Variants in MICAL2 observed in about 807,000 individuals in gnomAD.
MICAL2 encodes microtubule associated monooxygenase, calponin and LIM domain containing 2.
In MICAL2, 77 loss-of-function variants were observed where a neutral mutation model predicts 127.3. The observed-to-expected ratio is 0.60, with a 90% CI of 0.50 to 0.73. MICAL2 has a LOEUF of 0.73. Ranked by LOEUF, MICAL2 falls within the 30% of genes least tolerant of loss-of-function variation. The probability of loss-of-function intolerance (pLI) is 0.00; values close to 1 mark genes in which losing one functional copy is unlikely to be tolerated. For missense variants in MICAL2, 1,351 were observed against 1,434.4 expected (o/e 0.94, Z 0.94); for synonymous variants, 570 against 551.1 (o/e 1.03, Z -0.48).
intron 2 of MICAL2, among the ~76,000 whole-genome samples, chr11:12,149,864 G>C (rs981021423): frequency 2.6e-5 from 4 of 152,202 alleles, no homozygotes; most frequent in African/African-American, 9.6e-5. Flanking sequence ...GATACTGGTT[G>C]AACTGTAGGA....
chr11:12,226,988 A>G (rs745758133), intron 14 of MICAL2, 37 bp from the exon 15 acceptor site: 37 of 1,513,150 alleles, frequency 2.4e-5, no homozygotes, highest in Non-Finnish European at 1.8e-5. Context: ...TCCCAGAGCC[A>G]GGTTCCAAAT....
chr11:12,169,684 T>C (rs982040516), intron 3 of MICAL2, among the ~76,000 whole-genome samples: 9 of 152,226 alleles, frequency 5.9e-5, no homozygotes, highest in Admixed American at 2.0e-4. Flanking sequence ...ACACCGTCTA[T>C]AGCACAATTT....
At chr11:12,251,960 A>C (rs889161529) in intron 22 of MICAL2, among the ~76,000 whole-genome samples, 6 of 152,332 alleles carry the variant, frequency 3.9e-5, no homozygotes, top group African/African-American at 9.6e-5. Flanking sequence ...GGAGGCAGTA[A>C]TTGTGCATGG....
At chr11:12,360,720 A>C (rs1207938186), downstream of MICAL2, among the ~76,000 whole-genome samples, 1 of 152,220 alleles carries the variant, frequency 6.6e-6, no homozygotes, top group Non-Finnish European at 1.5e-5. Flanking sequence ...TTTGGCCCCT[A>C]GTATTCTGTT....
intron 21 of MICAL2, among the ~76,000 whole-genome samples, chr11:12,247,043 T>A (rs1860852680): frequency 1.3e-5 from 2 of 152,150 alleles, no homozygotes; most frequent in Non-Finnish European, 2.9e-5. Flanking sequence ...GAGCTCTTCC[T>A]GTGATGGTGA....
At chr11:12,215,640 TAA>T (rs765157533) in intron 7 of MICAL2, among the ~76,000 whole-genome samples, 3 of 152,224 alleles carry the variant, frequency 2.0e-5, no homozygotes, top group East Asian at 3.8e-4. Context: ...AGCATGGTTT[TAA>T]ATGCAGGAAC....
chr11:12,273,366 C>A (rs1262637151), upstream of MICAL2, among the ~76,000 whole-genome samples: 1 of 152,126 alleles, frequency 6.6e-6, no homozygotes, highest in East Asian at 1.9e-4. Flanking sequence ...ATGCTGCCAC[C>A]ACCACCACCA....
intron 25 of MICAL2, 108 bp downstream of exon 25, chr11:12,258,664 G>T: frequency 1.0e-6 from 1 of 962,638 alleles, no homozygotes; most frequent in South Asian, 1.4e-5. Context: ...GGATTGAGAT[G>T]ACTCACAGAT....
In MICAL2 at chr11:12,208,148, T is replaced by C. The variant is rs982063932; in HGVS notation, c.589+9T>C. 2.5e-6 allele frequency: 4 copies of C among 1,599,556 alleles called. No homozygotes were observed. Among genetic ancestry groups the C allele is most frequent in the Non-Finnish European group, 2.6e-6 (3 of 1,167,402 alleles). ...AGATCAAGAAAATCAAAGTACAGTA[T>C]AATTTTCTTTTTCTGCCTAGAAAGC... On this transcript the variant is annotated intron_variant, in intron 5 of 27. Transcript: ENST00000683283.
intron 19 of MICAL2, 90 bp from the exon 20 acceptor site, chr11:12,242,581 G>A: frequency 1.4e-6 from 2 of 1,446,454 alleles, no homozygotes; most frequent in Admixed American, 1.8e-5. Flanking sequence ...AAGGCCCCCG[G>A]CTGCCTCCCT....
rs538914511 is a variant in MICAL2, at chr11:12,137,072, C to A, written c.-148-1318C>A. ...GCAGGGGGCAGACAAGTCAAGGCCTCTAGCCGCTTTGACTTCTGGCTGGAA... is the reference window on the plus strand; with the variant it reads ...GCAGGGGGCAGACAAGTCAAGGCCTATAGCCGCTTTGACTTCTGGCTGGAA... On this transcript the variant is annotated intron_variant, in intron 1 of 27. Transcript: ENST00000683283. 8.5e-5 allele frequency among the ~76,000 whole-genome samples: 13 copies of A among 152,348 alleles called. No homozygotes were observed. The East Asian group carries it at 2.5e-3, about 29-fold the overall frequency.
At chr11:12,163,449 T>C (rs79804316) in intron 3 of MICAL2, among the ~76,000 whole-genome samples, 3,238 of 152,250 alleles carry the variant, frequency 0.021, 53 homozygotes, top group Non-Finnish European at 0.032. Flanking sequence ...GACTGTTGTG[T>C]TTTTGTTTTG....
At chr11:12,318,497 AT>A (rs1743625090) in intron 29 of MICAL2, among the ~76,000 whole-genome samples, 1 of 152,220 alleles carries the variant, frequency 6.6e-6, no homozygotes. Flanking sequence ...AAGCACCCTT[AT>A]TTTGTCAAAC....
chr11:12,342,910 G>GA (rs935940907), intron 32 of MICAL2, among the ~76,000 whole-genome samples: 6 of 152,174 alleles, frequency 3.9e-5, no homozygotes, highest in Admixed American at 3.9e-4. Context: ...CCACAGGAAG[G>GA]AATCTTACCG....
Position 12,337,114 on chromosome 11 carries a change from A to G in MICAL2, c.5515+9848A>G, listed in dbSNP as rs542924088. On this transcript the variant is annotated intron_variant, in intron 32 of 34. Transcript: ENST00000646065. ...TGTTTTGGTTGGTAAGCTATTAATT[A>G]TTGCCTCAATTTCAGAGCCTGTTAT... Among the ~76,000 whole-genome samples, 3 of 152,296 alleles carry G rather than the reference A, an allele frequency of 2.0e-5. No individual in the cohort carries two copies. In the South Asian group the frequency reaches 6.2e-4, roughly 32 times the overall value.
intron 2 of MICAL2, among the ~76,000 whole-genome samples, chr11:12,145,766 G>A (rs1254445389): frequency 6.6e-6 from 1 of 152,184 alleles, no homozygotes. Context: ...CAGTGTATAG[G>A]CTCTTATGCA....
At chr11:12,231,506 G>A (rs1225632857) in intron 15 of MICAL2, among the ~76,000 whole-genome samples, 1 of 152,236 alleles carries the variant, frequency 6.6e-6, no homozygotes, top group Non-Finnish European at 1.5e-5. Flanking sequence ...CATTACGTGC[G>A]AAGGTGCCTC....
intron 29 of MICAL2, among the ~76,000 whole-genome samples, chr11:12,301,750 G>A (rs925111002): frequency 6.6e-6 from 1 of 152,166 alleles, no homozygotes. Flanking sequence ...ATGCAGGTTA[G>A]TCCAGCTGCA....
At position 12,259,717 on chromosome 11, in the gene MICAL2, G is replaced by A. The variant is rs989375829; in HGVS notation, c.3232-78G>A. The A allele has an allele frequency of 4.6e-5, 61 of 1,319,534 alleles. No individual in the cohort carries two copies. In the Admixed American group the frequency reaches 1.4e-3, roughly 30 times the overall value. The allele number at this position is 1,319,534 out of a possible 1,614,324, so 81.7% of individuals were successfully genotyped here. On this transcript the variant is annotated intron_variant, in intron 25 of 27. Transcript: ENST00000683283. ...TTGCAGGGTCTGGCGAGTTCAGTTTGTATTGGCTGTTGGCTTTGTTGAAGT... is the reference window on the plus strand; with the variant it reads ...TTGCAGGGTCTGGCGAGTTCAGTTTATATTGGCTGTTGGCTTTGTTGAAGT...
Sources: gnomAD v4.1 joint callset for allele counts (sites outside exome capture counted in the v4.1 genomes callset) on GRCh38, gnomAD v4.1.1 for gene constraint, MANE v1.5 for transcripts, NCBI Gene and HGNC (gene_info 2026-07-23, HGNC 2026-07-21) for gene names.